The following POSTN variants were observed in gnomAD, a reference collection of about 807,000 sequenced individuals.
POSTN encodes the protein osteoblast specific factor 2 (fasciclin I-like).
In POSTN, 71 loss-of-function variants were observed where a neutral mutation model predicts 104.5. That is an observed-to-expected ratio of 0.68 (90% CI 0.56 to 0.83). The LOEUF is 0.83. POSTN is among the 40% of genes least tolerant of loss of function. POSTN has a pLI of 0.00. For synonymous variants in POSTN, 355 were observed against 340.7 expected, an observed-to-expected ratio of 1.04 and a Z score of -0.46; for missense variants, 949 against 1,006.8, an observed-to-expected ratio of 0.94 and a Z score of 0.78.
At chr13:37,564,158 A>ATACTTGTATATACAAAACAT (rs144050894) in intron 22 of POSTN, among the ~76,000 whole-genome samples, 11,733 of 81,846 alleles carry the variant, frequency 0.14, 3,049 homozygotes, top group East Asian at 0.54. Flanking sequence ...AATTATATGT[A>ATACTTGTATATACAAAACAT]TACTTGTATA....
At position 37,577,743 on chromosome 13, in the gene POSTN, A is replaced by G. The variant is rs1950452042; in HGVS notation, c.2008+10T>C. ...GCCACCCAGGTGGCCAATATTTATT[A>G]TATACTTACTATAGACAGTCACGGG... On this transcript the variant is annotated intron_variant, in intron 16 of 22. Transcript: ENST00000379747. 4.3e-6 allele frequency: 7 copies of G among 1,612,150 alleles called. No individual in the cohort carries two copies. Among genetic ancestry groups the G allele is most frequent in the Middle Eastern group, 1.6e-4 (1 of 6,064 alleles).
chr13:37,574,642 A>C lies in POSTN; in HGVS notation c.2019T>G (p.Ile673Met). 4 of 1,598,040 alleles carry C rather than the reference A, an allele frequency of 2.5e-6. No homozygotes were observed. In the South Asian group the frequency reaches 4.6e-5, roughly 18 times the overall value. ...EIPVTVYTTK[I>M]ITKVVEPKIK... is the part of the protein sequence containing the mutation. ...TTTTTGGTTCCACAACTTTGGTTAT[A>C]ATTTTAGTTGCTGAAAGTATAGAAA... The change falls in exon 17 of 23, where the codon ATT (isoleucine) becomes ATG (methionine). Residue 673 changes from isoleucine (I) to methionine (M), a missense_variant. Transcript: ENST00000379747.
intron 16 of POSTN, among the ~76,000 whole-genome samples, chr13:37,576,179 C>T (rs889621449): frequency 3.9e-5 from 6 of 152,018 alleles, no homozygotes; most frequent in Non-Finnish European, 7.4e-5. Context: ...CAACTATACA[C>T]TTTAAAATGG....
intron 2 of POSTN, 44 bp downstream of exon 2, chr13:37,597,137 ATGT>A (rs1951107202): frequency 7.8e-7 from 1 of 1,279,106 alleles, no homozygotes; most frequent in Non-Finnish European, 1.1e-6. Context: ...ATACATCATG[ATGT>A]TGTTTTTGGA....
In POSTN at chr13:37,582,401, C is replaced by T. The variant is rs117103342; in HGVS notation, c.1357G>A (p.Gly453Arg). 10,181 of 1,613,728 alleles carry T rather than the reference C, an allele frequency of 6.3e-3. 55 individuals carry two copies. The highest frequency in any genetic ancestry group is 7.7e-3 in the Non-Finnish European group (9,098 of 1,179,862). ...ACGAAGACTCTGAGCTGTTTGCCTCCGATGGTTTCCAGTATTTGCCCGTTG... is the reference window on the plus strand; with the variant it reads ...ACGAAGACTCTGAGCTGTTTGCCTCTGATGGTTTCCAGTATTTGCCCGTTG... ...LYNGQILETI[G>R]GKQLRVFVYR... Residue 453 changes from glycine to arginine, a missense_variant, in exon 10 of 23, where the codon GGA (glycine) becomes AGA (arginine). Coordinates refer to ENST00000379747, the MANE Select transcript of POSTN (RefSeq NM_006475.3).
chr13:37,591,059 A>G (rs912431334), intron 3 of POSTN, among the ~76,000 whole-genome samples: 1 of 152,132 alleles, frequency 6.6e-6, no homozygotes, highest in Non-Finnish European at 1.5e-5. Flanking sequence ...GACCCTATTT[A>G]TTTGAAAATT....
chr13:37,577,071 A>G (rs1456876705), intron 16 of POSTN, among the ~76,000 whole-genome samples: 1 of 152,162 alleles, frequency 6.6e-6, no homozygotes, highest in African/African-American at 2.4e-5. Context: ...ACAGTGAAAT[A>G]AAGAAAGAGA....
At chr13:37,585,022 T>A in intron 7 of POSTN, 94 bp from the exon 8 acceptor site, 9 of 1,497,834 alleles carry the variant, frequency 6.0e-6, no homozygotes, top group Non-Finnish European at 8.0e-6. Flanking sequence ...TAAGTATTCC[T>A]TAAAATGTAG....
chr13:37,588,276 G>T (rs1051145196), intron 4 of POSTN, among the ~76,000 whole-genome samples: 2 of 152,026 alleles, frequency 1.3e-5, no homozygotes, highest in African/African-American at 2.4e-5. Flanking sequence ...TGATAAGAAA[G>T]GGAGATATGA....
chr13:37,567,024 C>T (rs1950123500), intron 21 of POSTN, among the ~76,000 whole-genome samples: 1 of 150,918 alleles, frequency 6.6e-6, no homozygotes, highest in South Asian at 2.1e-4. Context: ...ATCACGAGGT[C>T]AGGAGATCGA....
At chr13:37,577,703 C>T (rs781140608) in intron 16 of POSTN, 50 bp downstream of exon 16, 4 of 1,593,828 alleles carry the variant, frequency 2.5e-6, no homozygotes, top group South Asian at 1.1e-5. Context: ...GTATTGTTTT[C>T]TTTTTTCATA....
intron 22 of POSTN, 150 bp downstream of exon 22, chr13:37,564,369 T>C: frequency 1.8e-6 from 1 of 549,698 alleles, no homozygotes; most frequent in South Asian, 2.9e-5. Flanking sequence ...CTGATTGTTA[T>C]CAAAATTGTT....
At chr13:37,570,026 A>G (rs932172008) in intron 19 of POSTN, among the ~76,000 whole-genome samples, 3 of 151,964 alleles carry the variant, frequency 2.0e-5, no homozygotes, top group African/African-American at 7.2e-5. Context: ...ATTTCCATAA[A>G]TGGGTGGCAC....
At chr13:37,566,436 T>A (rs927346388) in intron 21 of POSTN, among the ~76,000 whole-genome samples, 1 of 152,186 alleles carries the variant, frequency 6.6e-6, no homozygotes, top group Admixed American at 6.5e-5. Context: ...AATTGATGAT[T>A]GACAGTAACA....
rs1188848276 is a variant in POSTN at position 37,564,573 on chromosome 13, T to C, written c.2432-13A>G. 6.3e-7 allele frequency: 1 copy of C among 1,579,488 alleles called. No individual in the cohort carries two copies. Among genetic ancestry groups the C allele is most frequent in the Non-Finnish European group, 8.7e-7 (1 of 1,151,250 alleles). The stretch of plus-strand genomic sequence containing the variant: ...CTCACGGGTGTGTCTAAAATTAAAT[T>C]GTTGTAGTTAGAAATACTTCGCAAT... On this transcript the variant is annotated splice_polypyrimidine_tract_variant and intron_variant, in intron 21 of 22. Transcript: ENST00000379747.
chr13:37,580,092 T>A, intron 11 of POSTN, 101 bp from the exon 12 acceptor site: 2 of 1,087,532 alleles, frequency 1.8e-6, no homozygotes, highest in Admixed American at 2.5e-5. Flanking sequence ...GTGGAAAGCA[T>A]GAGAGAACTG....
At chr13:37,592,503 C>T (rs2138381516) in intron 2 of POSTN, among the ~76,000 whole-genome samples, 1 of 152,160 alleles carries the variant, frequency 6.6e-6, no homozygotes, top group Middle Eastern at 3.4e-3. Flanking sequence ...TTTCGCCGTG[C>T]TAGCCAGGAT....
intron 21 of POSTN, chr13:37,565,277 T>C (rs957725836): frequency 2.0e-5 from 3 of 152,050 alleles, no homozygotes; most frequent in African/African-American, 7.2e-5. Context: ...TTCCTGTTTT[T>C]CTTTTAGTTT....
At position 37,592,248 on chromosome 13, in the gene POSTN, A is replaced by C. The variant is rs546760344; in HGVS notation, c.219-84T>G. Reference sequence around the variant, plus strand: ...ATAAATTTGACAAAATATTTCACTTATTGACTTGATTTGTTGAGGTTCTAA... The same window carrying C: ...ATAAATTTGACAAAATATTTCACTTCTTGACTTGATTTGTTGAGGTTCTAA... On this transcript the variant is annotated intron_variant, in intron 2 of 22. Coordinates refer to ENST00000379747, the MANE Select transcript of POSTN (RefSeq NM_006475.3). 1.7e-3 allele frequency: 1,471 copies of C among 871,384 alleles called. 1 individual carries two copies. The highest frequency in any genetic ancestry group is 2.1e-3 in the Non-Finnish European group (1,174 of 563,806). The allele number at this position is 871,384 out of a possible 1,614,324, so 54.0% of individuals were successfully genotyped here.
Sources: allele counts gnomAD v4.1 joint callset (sites outside exome capture counted in the v4.1 genomes callset), GRCh38; gene constraint gnomAD v4.1.1; transcripts MANE v1.5; gene names NCBI Gene and HGNC (gene_info 2026-07-23, HGNC 2026-07-21).